Variants in SPESP1 observed in about 807,000 individuals in gnomAD.
SPESP1 encodes equatorial segment protein.
In SPESP1, 1 loss-of-function variant was observed where a neutral mutation model predicts 3.1. The ratio of observed to expected loss-of-function variants is 0.33; its 90% CI spans 0.12 to 1.54. SPESP1 has a LOEUF of 1.54. Ranked by LOEUF, SPESP1 falls within the 40% of genes most tolerant of loss-of-function variation. The pLI, the probability that SPESP1 is intolerant of heterozygous loss-of-function variation, is 0.38. For missense variants in SPESP1, 398 were observed against 410.1 expected (o/e 0.97, Z 0.26); for synonymous variants, 138 against 150.7 (o/e 0.92, Z 0.62).
At chr15:68,944,001 G>A (rs897089306) in intron 1 of SPESP1, among the ~76,000 whole-genome samples, 5 of 152,084 alleles carry the variant, frequency 3.3e-5, no homozygotes, top group Non-Finnish European at 7.4e-5. Context: ...AAATAAAAGT[G>A]CCTCCTGAAC....
intron 1 of SPESP1, 28 bp from the exon 2 acceptor site, chr15:68,945,571 T>G: frequency 6.7e-7 from 1 of 1,498,292 alleles, no homozygotes; most frequent in Non-Finnish European, 8.9e-7. Flanking sequence ...AAATGTTACT[T>G]ATTATTTATT....
chr15:68,945,935 A>C lies in SPESP1; in HGVS notation c.401A>C (p.His134Pro), dbSNP rs1567066227. 9.9e-6 allele frequency: 16 copies of C among 1,614,164 alleles called. No homozygotes were observed. The highest frequency in any genetic ancestry group is 1.2e-5 in the Non-Finnish European group (14 of 1,180,026). ...CCAAACAATGTTTCCATTGTTTTGC[A>C]TGCAGAGGAACCTTATATTGAAAAT... The part of the protein sequence containing the change: ...IKPNNVSIVL[H>P]AEEPYIENEE... Residue 134 changes from histidine (H) to proline (P), a missense_variant, in exon 2 of 2, where the codon CAT (histidine) becomes CCT (proline). Coordinates refer to ENST00000310673, the MANE Select transcript of SPESP1 (RefSeq NM_145658.4).
At chr15:68,939,195 G>A (rs1484352154) in intron 1 of SPESP1, among the ~76,000 whole-genome samples, 1 of 152,100 alleles carries the variant, frequency 6.6e-6, no homozygotes, top group African/African-American at 2.4e-5. Flanking sequence ...GCAGCATCAT[G>A]GTTTCCCAAG....
intron 1 of SPESP1, among the ~76,000 whole-genome samples, chr15:68,935,451 A>G (rs911233400): frequency 1.3e-4 from 20 of 152,230 alleles, no homozygotes; most frequent in Admixed American, 3.9e-4. Context: ...GGGTCTTTAC[A>G]TGACTTCTCA....
rs1306286081 is a variant in SPESP1, at chr15:68,945,878, A to G, written c.344A>G (p.His115Arg). ...GFTPEIGKKKHTESTPFWSIK... is the reference protein window; with the variant it reads ...GFTPEIGKKKRTESTPFWSIK... Reference sequence around the variant, plus strand: ...ACACCGGAAATAGGAAAGAAAAAACACACGGAAAGTACCCCATTCTGGTCG... The same window carrying G: ...ACACCGGAAATAGGAAAGAAAAAACGCACGGAAAGTACCCCATTCTGGTCG... Residue 115 changes from histidine (H) to arginine (R), a missense_variant, in exon 2 of 2, where the codon CAC becomes CGC. Coordinates refer to ENST00000310673, the MANE Select transcript of SPESP1 (RefSeq NM_145658.4). 3 of 1,614,164 alleles carry G rather than the reference A, an allele frequency of 1.9e-6. No homozygotes were observed. The highest frequency in any genetic ancestry group is 2.5e-6 in the Non-Finnish European group (3 of 1,180,026).
At chr15:68,936,455 C>T (rs75010485) in intron 1 of SPESP1, among the ~76,000 whole-genome samples, 6 of 152,186 alleles carry the variant, frequency 3.9e-5, no homozygotes, top group Non-Finnish European at 5.9e-5. Flanking sequence ...TAAGAAGCCA[C>T]TCACAAAAGG....
intron 1 of SPESP1, among the ~76,000 whole-genome samples, chr15:68,941,256 CTT>C: frequency 6.6e-6 from 1 of 152,222 alleles, no homozygotes; most frequent in African/African-American, 2.4e-5. Flanking sequence ...GATGCTGAAT[CTT>C]TTCATCTGAG....
chr15:68,937,621 C>T (rs1235244100), intron 1 of SPESP1, among the ~76,000 whole-genome samples: 1 of 152,102 alleles, frequency 6.6e-6, no homozygotes, highest in African/African-American at 2.4e-5. Context: ...CCCTCACCCC[C>T]CACCCACCAA....
At position 68,930,670 on chromosome 15, in the gene SPESP1, T is replaced by G; in HGVS notation, c.17T>G (p.Leu6Arg). MKPLV[L>R]LVALLLWPSS... ...ACGACGCCTATGAAGCCCTTAGTCC[T>G]TCTAGTTGCGCTTTTGCTATGGCCT... The change falls in exon 1 of 2, where the codon CTT becomes CGT. Residue 6 changes from leucine (L) to arginine (R), a missense_variant. Physicochemically the swap from Leu to Arg is moderately radical, Grantham distance 102. Coordinates refer to ENST00000310673, the MANE Select transcript of SPESP1 (RefSeq NM_145658.4). 6.2e-7 allele frequency: 1 copy of G among 1,613,952 alleles called. No individual in the cohort carries two copies. Among genetic ancestry groups the G allele is most frequent in the East Asian group, 2.2e-5 (1 of 44,854 alleles).
chr15:68,938,503 G>A (rs906210956), intron 1 of SPESP1, among the ~76,000 whole-genome samples: 4 of 151,944 alleles, frequency 2.6e-5, no homozygotes, highest in Non-Finnish European at 4.4e-5. Flanking sequence ...TCCATTTGAT[G>A]ATAGAACAAA....
At chr15:68,932,509 G>C (rs952368139) in intron 1 of SPESP1, among the ~76,000 whole-genome samples, 34 of 151,808 alleles carry the variant, frequency 2.2e-4, no homozygotes, top group Non-Finnish European at 2.5e-4. Flanking sequence ...TCCCACCTCA[G>C]CCTCCTGAGT....
intron 1 of SPESP1, among the ~76,000 whole-genome samples, chr15:68,932,523 TG>T (rs1895573980): frequency 6.6e-6 from 1 of 152,098 alleles, no homozygotes; most frequent in South Asian, 2.1e-4. Context: ...CCTGAGTAGC[TG>T]GGATTATAGG....
chr15:68,942,771 G>C (rs1403749486), intron 1 of SPESP1, among the ~76,000 whole-genome samples: 1 of 152,112 alleles, frequency 6.6e-6, no homozygotes, highest in East Asian at 1.9e-4. Flanking sequence ...ATAGTTAAGT[G>C]AATATCCAGA....
chr15:68,935,837 C>T (rs1232768888), intron 1 of SPESP1, among the ~76,000 whole-genome samples: 1 of 152,162 alleles, frequency 6.6e-6, no homozygotes, highest in East Asian at 1.9e-4. Flanking sequence ...TCCTTGAGTA[C>T]ACCTCAGTAA....
At chr15:68,938,934 T>C (rs534892062) in intron 1 of SPESP1, among the ~76,000 whole-genome samples, 2 of 152,368 alleles carry the variant, frequency 1.3e-5, no homozygotes, top group East Asian at 1.9e-4. Context: ...CAGTGGAAGC[T>C]ATTAGGATCT....
chr15:68,932,879 C>T (rs1895586227), intron 1 of SPESP1, among the ~76,000 whole-genome samples: 1 of 152,180 alleles, frequency 6.6e-6, no homozygotes, highest in Admixed American at 6.5e-5. Flanking sequence ...TATGTAATTA[C>T]CTTTCTTCTA....
chr15:68,944,830 T>A (rs1895918608), intron 1 of SPESP1, among the ~76,000 whole-genome samples: 1 of 152,166 alleles, frequency 6.6e-6, no homozygotes, highest in Admixed American at 6.5e-5. Context: ...TATAGTTAGA[T>A]CTTTGTTGGG....
intron 1 of SPESP1, among the ~76,000 whole-genome samples, chr15:68,937,100 G>C (rs1173674895): frequency 6.6e-6 from 1 of 152,116 alleles, no homozygotes; most frequent in African/African-American, 2.4e-5. Context: ...TAGACTAACA[G>C]ATTTATTTTT....
Position 68,940,029 on chromosome 15 carries a change from A to C in SPESP1, c.65-5570A>C, listed in dbSNP as rs1895777842. Among the ~76,000 whole-genome samples, 3 of 152,212 alleles carry C rather than the reference A, an allele frequency of 2.0e-5. No individual in the cohort carries two copies. In the South Asian group the frequency reaches 6.2e-4, roughly 32 times the overall value. On this transcript the variant is annotated intron_variant, in intron 1 of 1. Coordinates refer to ENST00000310673, the MANE Select transcript of SPESP1 (RefSeq NM_145658.4). ...TTAAAATCTTTTTCAGATTAAAAAA[A>C]CATTTTATTACGGAAAAATTTAAAT...
Sources: gnomAD v4.1 joint callset for allele counts (sites outside exome capture counted in the v4.1 genomes callset) on GRCh38, gnomAD v4.1.1 for gene constraint, MANE v1.5 for transcripts, NCBI Gene and HGNC (gene_info 2026-07-23, HGNC 2026-07-21) for gene names.